IL1RAPL1: variants seen among roughly 807,000 people sequenced by gnomAD.
IL1RAPL1 encodes interleukin-1 receptor accessory protein-like 1.
A neutral mutation model predicts 48.4 loss-of-function variants in IL1RAPL1; 3 were observed. The ratio of observed to expected loss-of-function variants is 0.06; its 90% confidence interval spans 0.03 to 0.16. IL1RAPL1 has a LOEUF of 0.16. IL1RAPL1 is among the 10% of genes least tolerant of loss of function. IL1RAPL1 has a pLI of 1.00. For synonymous variants in IL1RAPL1, 185 were observed against 187.7 expected (o/e 0.99, Z 0.12); for missense variants, 349 against 530.6 (o/e 0.66, Z 3.36).
intron 3 of IL1RAPL1, among the ~76,000 whole-genome samples, chrX:29,389,959 C>G: frequency 8.9e-6 from 1 of 111,740 alleles, no homozygotes; most frequent in Non-Finnish European, 1.9e-5. Flanking sequence ...GTATTAGTAG[C>G]TACAAACATA....
intron 2 of IL1RAPL1, among the ~76,000 whole-genome samples, chrX:29,206,722 A>G (rs1930673632): frequency 8.9e-6 from 1 of 112,110 alleles, no homozygotes; most frequent in Admixed American, 9.6e-5. Context: ...ATACATATGT[A>G]TACAAGTATT....
intron 6 of IL1RAPL1, among the ~76,000 whole-genome samples, chrX:29,862,077 G>T (rs1365033630): frequency 9.2e-6 from 1 of 108,741 alleles, no homozygotes; most frequent in Admixed American, 9.9e-5. Flanking sequence ...ACCTTGTGTG[G>T]TAGAGCATGA....
chrX:29,180,387 A>T (rs1275935956), intron 2 of IL1RAPL1, among the ~76,000 whole-genome samples: 2 of 109,644 alleles, frequency 1.8e-5, no homozygotes, highest in South Asian at 4.0e-4. Flanking sequence ...TATTATTATT[A>T]TTTTTTGAGA....
At chrX:29,213,290 G>A (rs766974513) in intron 2 of IL1RAPL1, among the ~76,000 whole-genome samples, 8 of 112,296 alleles carry the variant, frequency 7.1e-5, no homozygotes, top group African/African-American at 1.3e-4. Context: ...GAGCCACCGC[G>A]CCTGGCCAGA....
intron 6 of IL1RAPL1, among the ~76,000 whole-genome samples, chrX:29,831,442 T>C (rs1035078068): frequency 1.8e-5 from 2 of 111,478 alleles, no homozygotes; most frequent in African/African-American, 6.5e-5. Context: ...ATGTGCAAAG[T>C]CTTGGAGCTG....
intron 5 of IL1RAPL1, among the ~76,000 whole-genome samples, chrX:29,589,700 TA>T (rs1188787429): frequency 9.0e-6 from 1 of 111,499 alleles, no homozygotes; most frequent in Non-Finnish European, 1.9e-5. Flanking sequence ...TAAAATAAAA[TA>T]ATATATATTA....
intron 8 of IL1RAPL1, among the ~76,000 whole-genome samples, chrX:29,925,410 CTGTT>C (rs1932878098): frequency 3.3e-4 from 2 of 6,075 alleles, no homozygotes; most frequent in Non-Finnish European, 4.2e-4. Context: ...TGTCCCGTAA[CTGTT>C]TTTTTTTTTT....
At chrX:29,119,746 C>T (rs1228572932) in intron 2 of IL1RAPL1, among the ~76,000 whole-genome samples, 1 of 111,102 alleles carries the variant, frequency 9.0e-6, no homozygotes, top group Admixed American at 9.6e-5. Flanking sequence ...GTGAGTTTTA[C>T]CTTCAGGAGC....
At chrX:28,725,348 A>G (rs1047796458) in intron 1 of IL1RAPL1, among the ~76,000 whole-genome samples, 1 of 112,084 alleles carries the variant, frequency 8.9e-6, no homozygotes, top group African/African-American at 3.2e-5. Flanking sequence ...ACCTTTAAAA[A>G]ATCTGAAAGC....
intron 5 of IL1RAPL1, among the ~76,000 whole-genome samples, chrX:29,521,663 A>G (rs1013904108): frequency 2.7e-5 from 3 of 111,717 alleles, no homozygotes; most frequent in Non-Finnish European, 3.8e-5. Flanking sequence ...TCTTTTGTAT[A>G]TGATGCGGTA....
At chrX:29,177,902 G>A (rs1221475342) in intron 2 of IL1RAPL1, among the ~76,000 whole-genome samples, 8 of 111,643 alleles carry the variant, frequency 7.2e-5, no homozygotes, top group Non-Finnish European at 1.5e-4. Flanking sequence ...CTTCATCTAT[G>A]TCCCTGCAAA....
chrX:28,891,621 T>G (rs1922772117), intron 2 of IL1RAPL1, among the ~76,000 whole-genome samples: 2 of 112,525 alleles, frequency 1.8e-5, no homozygotes, highest in South Asian at 3.7e-4. Flanking sequence ...TTCCTTTTTT[T>G]GCAGAATAAT....
intron 5 of IL1RAPL1, among the ~76,000 whole-genome samples, chrX:29,503,436 T>C (rs1343111986): frequency 9.0e-6 from 1 of 111,044 alleles, no homozygotes; most frequent in Non-Finnish European, 1.9e-5. Context: ...GTGAGGTGCA[T>C]TGTTAAGTTG....
chrX:28,904,293 G>A (rs1217235536), intron 2 of IL1RAPL1, among the ~76,000 whole-genome samples: 1 of 111,466 alleles, frequency 9.0e-6, no homozygotes, highest in Admixed American at 9.6e-5. Flanking sequence ...ATATAAAATT[G>A]GTCTGAATAT....
chrX:29,045,259 C>T (rs1165437108), intron 2 of IL1RAPL1, among the ~76,000 whole-genome samples: 1 of 111,766 alleles, frequency 8.9e-6, no homozygotes, highest in Non-Finnish European at 1.9e-5. Flanking sequence ...ACTTCAACTG[C>T]AAGCGTCTCT....
At chrX:29,664,352 G>A (rs184736867) in intron 5 of IL1RAPL1, among the ~76,000 whole-genome samples, 2,291 of 104,270 alleles carry the variant, frequency 0.022, 38 homozygotes, top group African/African-American at 0.052. Flanking sequence ...TGCAGTGAGC[G>A]GAGATCGCGC....
At chrX:28,880,689 G>A (rs1385426715) in intron 2 of IL1RAPL1, among the ~76,000 whole-genome samples, 1 of 111,735 alleles carries the variant, frequency 8.9e-6, no homozygotes, top group Non-Finnish European at 1.9e-5. Flanking sequence ...GGGAAAATAT[G>A]TGTTTCAGTG....
chrX:29,377,449 G>T (rs1933638481), intron 3 of IL1RAPL1, among the ~76,000 whole-genome samples: 1 of 111,793 alleles, frequency 8.9e-6, no homozygotes, highest in Admixed American at 9.5e-5. Context: ...TTGCTTTTTA[G>T]TGTCTGTGGG....
chrX:28,739,367 G>A (rs998106148), intron 1 of IL1RAPL1, among the ~76,000 whole-genome samples: 3 of 111,380 alleles, frequency 2.7e-5, no homozygotes, highest in African/African-American at 6.5e-5. Flanking sequence ...GTAGTATGAC[G>A]CTTCATGAAG....
Sources: allele counts gnomAD v4.1 joint callset (sites outside exome capture counted in the v4.1 genomes callset), GRCh38; gene constraint gnomAD v4.1.1; transcripts MANE v1.5; gene names NCBI Gene and HGNC (gene_info 2026-07-23, HGNC 2026-07-21).